RIMKLA: variants seen among roughly 807,000 people sequenced by gnomAD.
RIMKLA encodes the protein N-acetylaspartylglutamate synthase A.
RIMKLA carries 14 observed loss-of-function variants against 32.7 expected under a neutral mutation model. The observed-to-expected ratio is 0.43, with a 90% CI of 0.28 to 0.67. The LOEUF (loss-of-function observed/expected upper bound fraction) is 0.67, where lower values mean the gene tolerates loss of function less well. Ranked by LOEUF, RIMKLA falls within the 30% of genes least tolerant of loss-of-function variation. RIMKLA has a pLI of 0.18. For synonymous variants in RIMKLA, 176 were observed against 204.1 expected (o/e 0.86, Z 1.18); for missense variants, 410 against 519.0 (o/e 0.79, Z 2.04).
intron 2 of RIMKLA, among the ~76,000 whole-genome samples, chr1:42,403,658 G>A (rs1038061487): frequency 6.6e-6 from 1 of 152,186 alleles, no homozygotes; most frequent in Non-Finnish European, 1.5e-5. Flanking sequence ...GTTTCTTTGA[G>A]TGTTGGTTTT....
chr1:42,411,157 C>T (rs533781588), intron 4 of RIMKLA, among the ~76,000 whole-genome samples: 1 of 152,050 alleles, frequency 6.6e-6, no homozygotes, highest in African/African-American at 2.4e-5. Context: ...AAGTGAGACC[C>T]CATCTCTACA....
In RIMKLA at chr1:42,417,277, T is replaced by C. The variant is rs959956240; in HGVS notation, c.*2303T>C. ...GTGACATCTGTAGTCATTGGCTTCA[T>C]TGCCTGGCACTAGCCCTGTCTAGAA... On this transcript the variant is annotated 3_prime_UTR_variant, in exon 5 of 5. Coordinates refer to ENST00000431473, the MANE Select transcript of RIMKLA (RefSeq NM_173642.4). 3 of 152,310 alleles carry C rather than the reference T, an allele frequency of 2.0e-5. No individual in the cohort carries two copies. The highest frequency in any genetic ancestry group is 7.2e-5 in the African/African-American group (3 of 41,476). The allele number at this position is 152,310 out of a possible 1,614,324, so 9.4% of individuals were successfully genotyped here.
intron 1 of RIMKLA, among the ~76,000 whole-genome samples, chr1:42,394,347 C>T (rs150289451): frequency 6.6e-6 from 1 of 152,318 alleles, no homozygotes; most frequent in African/African-American, 2.4e-5. Context: ...TGTGTGCACA[C>T]ATATGTGAGT....
rs1373707273 is a variant in RIMKLA at position 42,416,686 on chromosome 1, G to A, written c.*1712G>A. ...TTCAAAGGCAACACTACCCATTCGG[G>A]TGCAGAAATTACCGTACTTACTCTG... On this transcript the variant is annotated 3_prime_UTR_variant, in exon 5 of 5. Transcript: ENST00000431473. The A allele has an allele frequency of 6.6e-6, 1 of 152,196 alleles. No individual in the cohort carries two copies. The highest frequency in any genetic ancestry group is 1.5e-5 in the Non-Finnish European group (1 of 68,038). 9.4% of individuals were successfully genotyped at this position (152,196 alleles called of 1,614,324 possible). A position where few individuals can be genotyped will look rare whatever the true frequency, so the allele number is the denominator to read the frequency against.
intron 1 of RIMKLA, among the ~76,000 whole-genome samples, 191 bp from the exon 2 acceptor site, chr1:42,399,213 G>C (rs1009168352): frequency 6.6e-6 from 1 of 152,116 alleles, no homozygotes; most frequent in African/African-American, 2.4e-5. Context: ...GTTTCCTCAT[G>C]ATCATGCTCT....
chr1:42,410,877 A>T (rs1393963925), intron 4 of RIMKLA, among the ~76,000 whole-genome samples: 1 of 152,206 alleles, frequency 6.6e-6, no homozygotes, highest in African/African-American at 2.4e-5. Context: ...TCACCATATG[A>T]GTATACCAAG....
At chr1:42,383,209 T>C (rs1293999053) in intron 1 of RIMKLA, among the ~76,000 whole-genome samples, 3 of 152,058 alleles carry the variant, frequency 2.0e-5, no homozygotes, top group African/African-American at 7.2e-5. Context: ...TACAGGAAAA[T>C]GTACACAGCT....
intron 1 of RIMKLA, among the ~76,000 whole-genome samples, chr1:42,394,941 G>C (rs922400258): frequency 6.6e-6 from 1 of 152,036 alleles, no homozygotes; most frequent in African/African-American, 2.4e-5. Context: ...GTTTCATCAT[G>C]TTGGCCAGAC....
At chr1:42,409,882 G>C in intron 3 of RIMKLA, 102 bp from the exon 4 acceptor site, 2 of 896,598 alleles carry the variant, frequency 2.2e-6, no homozygotes, top group Non-Finnish European at 3.6e-6. Flanking sequence ...AGTGAGGCAA[G>C]TTTAGAAAGA....
At chr1:42,414,408 C>G in intron 4 of RIMKLA, 76 bp from the exon 5 acceptor site, 2 of 1,494,734 alleles carry the variant, frequency 1.3e-6, no homozygotes, top group Non-Finnish European at 1.8e-6. Flanking sequence ...CCCTCCTGGG[C>G]AGATCCCTGT....
chr1:42,396,765 CTT>C (rs1643051844), intron 1 of RIMKLA, among the ~76,000 whole-genome samples: 1 of 102,030 alleles, frequency 9.8e-6, no homozygotes, highest in African/African-American at 3.9e-5. Flanking sequence ...AGTAGAATGT[CTT>C]CTGTGTAGTA....
At chr1:42,400,480 A>G (rs1643087987) in intron 2 of RIMKLA, among the ~76,000 whole-genome samples, 1 of 152,240 alleles carries the variant, frequency 6.6e-6, no homozygotes. Context: ...TAACAGTGGG[A>G]ATGAAGATGT....
chr1:42,407,859 T>G (rs1643160843), intron 3 of RIMKLA, among the ~76,000 whole-genome samples: 1 of 152,174 alleles, frequency 6.6e-6, no homozygotes, highest in African/African-American at 2.4e-5. Flanking sequence ...AGTACATGAT[T>G]AACCAATCTT....
intron 2 of RIMKLA, among the ~76,000 whole-genome samples, chr1:42,402,442 G>C (rs2148391031): frequency 6.6e-6 from 1 of 152,280 alleles, no homozygotes; most frequent in Non-Finnish European, 1.5e-5. Flanking sequence ...AGATCATTGT[G>C]TTGCCATGTG....
At position 42,418,876 on chromosome 1, in the gene RIMKLA, T is replaced by G. The variant is rs1643272912; in HGVS notation, c.*3902T>G. 6.6e-6 allele frequency: 1 copy of G among 152,188 alleles called. No homozygotes were observed. Among genetic ancestry groups the G allele is most frequent in the Non-Finnish European group, 1.5e-5 (1 of 68,042 alleles). The allele number at this position is 152,188 out of a possible 1,614,324, so 9.4% of individuals were successfully genotyped here. On this transcript the variant is annotated 3_prime_UTR_variant, in exon 5 of 5. Transcript: ENST00000431473. ...TAGCAGGTCAGTTTAAGGAGTCAGGTCAGAGAATAAATCCAACCTTAGTCA... is the reference window on the plus strand; with the variant it reads ...TAGCAGGTCAGTTTAAGGAGTCAGGGCAGAGAATAAATCCAACCTTAGTCA...
Position 42,409,974 on chromosome 1 carries a change from C to A in RIMKLA, c.482-10C>A. 4 of 1,612,068 alleles carry A rather than the reference C, an allele frequency of 2.5e-6. No homozygotes were observed. In the Middle Eastern group the frequency reaches 6.6e-4, roughly 267 times the overall value. On this transcript the variant is annotated splice_polypyrimidine_tract_variant and intron_variant, in intron 3 of 4. Coordinates refer to ENST00000431473, the MANE Select transcript of RIMKLA (RefSeq NM_173642.4). Reference sequence around the variant, plus strand: ...TCTAACCCCTTCTCTTGCTCTTTTTCTTCTTAAAGGAAAAGCTGTTTTTCT... The same window carrying A: ...TCTAACCCCTTCTCTTGCTCTTTTTATTCTTAAAGGAAAAGCTGTTTTTCT...
rs1187684020 is a variant in RIMKLA, at chr1:42,416,976, A to G, written c.*2002A>G. 3 of 152,248 alleles carry G rather than the reference A, an allele frequency of 2.0e-5. No homozygotes were observed. Among genetic ancestry groups the G allele is most frequent in the Non-Finnish European group, 4.4e-5 (3 of 68,036 alleles). 9.4% of individuals were successfully genotyped at this position (152,248 alleles called of 1,614,324 possible). ...TTGAAAAATAATACTTCACCTTTAT[A>G]TAGGTTAAGATATGTACCTTATCTT... On this transcript the variant is annotated 3_prime_UTR_variant, in exon 5 of 5. Transcript: ENST00000431473.
chr1:42,408,700 C>T (rs762854415), intron 3 of RIMKLA, among the ~76,000 whole-genome samples: 14 of 152,044 alleles, frequency 9.2e-5, no homozygotes, highest in Admixed American at 3.9e-4. Flanking sequence ...GGATGTCAGG[C>T]GTGAGCCACT....
intron 1 of RIMKLA, among the ~76,000 whole-genome samples, chr1:42,397,295 C>T (rs993324481): frequency 3.9e-5 from 6 of 152,124 alleles, no homozygotes; most frequent in African/African-American, 1.4e-4. Flanking sequence ...TTATTCATCA[C>T]CTGGTGGAGA....
Sources: allele counts gnomAD v4.1 joint callset (sites outside exome capture counted in the v4.1 genomes callset), GRCh38; gene constraint gnomAD v4.1.1; transcripts MANE v1.5; gene names NCBI Gene and HGNC (gene_info 2026-07-23, HGNC 2026-07-21).